ECHS1: variants seen among roughly 807,000 people sequenced by gnomAD.
ECHS1 encodes the protein enoyl-CoA hydratase, short chain 1.
ECHS1 carries 19 observed loss-of-function variants against 33.5 expected under a neutral mutation model. The ratio of observed to expected loss-of-function variants is 0.57; its 90% confidence interval spans 0.40 to 0.83. The LOEUF (loss-of-function observed/expected upper bound fraction) is 0.83, where lower values mean the gene tolerates loss of function less well. Among genes scored for constraint, ECHS1 ranks in the 40% least tolerant of loss-of-function variants. The pLI is 0.00. For missense variants in ECHS1, 365 were observed against 381.3 expected, an observed-to-expected ratio of 0.96 and a Z score of 0.36; for synonymous variants, 158 against 146.6, an observed-to-expected ratio of 1.08 and a Z score of -0.56.
chr10:133,365,779 C>G (rs979402486), intron 6 of ECHS1, among the ~76,000 whole-genome samples, 197 bp downstream of exon 6: 3 of 152,232 alleles, frequency 2.0e-5, no homozygotes, highest in African/African-American at 7.2e-5. Context: ...CAAAGGGGAG[C>G]TGGGAACATC....
intron 1 of ECHS1, among the ~76,000 whole-genome samples, chr10:133,372,199 C>T (rs899774429): frequency 2.0e-5 from 3 of 152,176 alleles, no homozygotes; most frequent in Non-Finnish European, 4.4e-5. Flanking sequence ...GTGGAGAAGC[C>T]GAAGGCCAAG....
Position 133,366,075 on chromosome 10 carries a change from G to C in ECHS1, c.640C>G (p.Pro214Ala), listed in dbSNP as rs772867293. Residue 214 changes from proline (P) to alanine (A), a missense_variant, in exon 6 of 8, where the codon CCT becomes GCT. Physicochemically the swap from Pro to Ala is conservative, Grantham distance 27 (BLOSUM62 -1). Coordinates refer to ENST00000368547, the MANE Select transcript of ECHS1 (RefSeq NM_004092.4). ...KQAGLVSKIC[P>A]VETLVEEAIQ... is the part of the protein sequence containing the mutation. ...GCTTCTTCCACCAGTGTCTCAACAG[G>C]ACAAATCTTGCTGACAAGACCTGAA... is the stretch of plus-strand genomic sequence containing the variant. 6.2e-7 allele frequency: 1 copy of C among 1,613,688 alleles called. No individual in the cohort carries two copies.
chr10:133,372,653 G>A (rs975210458), intron 1 of ECHS1, among the ~76,000 whole-genome samples: 13 of 149,392 alleles, frequency 8.7e-5, no homozygotes, highest in African/African-American at 3.3e-4. Flanking sequence ...GTGGCCTGGT[G>A]AGAGTGGCCT....
chr10:133,362,863 G>A lies in ECHS1; in HGVS notation c.*5C>T. On this transcript the variant is annotated 3_prime_UTR_variant, in exon 8 of 8. Coordinates refer to ENST00000368547, the MANE Select transcript of ECHS1 (RefSeq NM_004092.4). ...GCAGAGGTGTGAAGCAGGGGCAGCT[G>A]GTTCTCACTGGTCTTTGAAGTTGGC... 6.2e-7 allele frequency: 1 copy of A among 1,614,114 alleles called. No individual in the cohort carries two copies. The highest frequency in any genetic ancestry group is 8.5e-7 in the Non-Finnish European group (1 of 1,179,986).
chr10:133,369,499 G>A (rs566128181), intron 3 of ECHS1, among the ~76,000 whole-genome samples: 3 of 100,090 alleles, frequency 3.0e-5, no homozygotes, highest in East Asian at 3.2e-4. Context: ...ATCACAATCC[G>A]CAGACCCCTG....
rs1172130816 is a variant in ECHS1, at chr10:133,370,695, G to T, written c.151C>A (p.Gln51Lys). ...RGKNNTVGLIQLNRPKALNAL... is the reference protein window; with the variant it reads ...RGKNNTVGLIKLNRPKALNAL... ...TTGAGGGCCTTGGGGCGGTTCAGTT[G>T]GATCAACCCCACGGTGTTATTCTTC... Residue 51 changes from glutamine to lysine, a missense_variant, in exon 2 of 8, where the codon CAA becomes AAA. Coordinates refer to ENST00000368547, the MANE Select transcript of ECHS1 (RefSeq NM_004092.4). The T allele has an allele frequency of 1.9e-6, 3 of 1,613,358 alleles. No homozygotes were observed. Among genetic ancestry groups the T allele is most frequent in the Non-Finnish European group, 2.5e-6 (3 of 1,179,782 alleles).
chr10:133,364,274 C>T (rs1253718326), intron 7 of ECHS1, among the ~76,000 whole-genome samples: 2 of 151,960 alleles, frequency 1.3e-5, no homozygotes, highest in Admixed American at 1.3e-4. Context: ...TTTTTTGAGA[C>T]GGGGTCTTGC....
At chr10:133,368,747 C>G (rs532031817) in intron 4 of ECHS1, among the ~76,000 whole-genome samples, 176 bp downstream of exon 4, 7 of 152,318 alleles carry the variant, frequency 4.6e-5, no homozygotes, top group African/African-American at 1.4e-4. Context: ...AAGGCCCCCC[C>G]CAAGCTCTGT....
At chr10:133,363,129 C>A (rs547802868) in intron 7 of ECHS1, among the ~76,000 whole-genome samples, 196 bp from the exon 8 acceptor site, 5 of 152,332 alleles carry the variant, frequency 3.3e-5, no homozygotes, top group Non-Finnish European at 7.3e-5. Context: ...CACGGCCTCT[C>A]TCTACCAGTC....
chr10:133,373,325 G>A lies in ECHS1; in HGVS notation c.9C>T (p.Ala3=), dbSNP rs370494262. The A allele has an allele frequency of 3.0e-4, 451 of 1,502,904 alleles. 4 individuals carry two copies. In the African/African-American group the frequency reaches 5.5e-3, roughly 18 times the overall value. 93.1% of individuals were successfully genotyped at this position (1,502,904 alleles called of 1,614,324 possible). ...GGACGCAGGACAGCAGGACACGCAGGGCGGCCATGGCTCTCTGGACTCCTC... is the reference window on the plus strand; with the variant it reads ...GGACGCAGGACAGCAGGACACGCAGAGCGGCCATGGCTCTCTGGACTCCTC... MA[A]LRVLLSCVRG... The change falls in exon 1 of 8, where the codon GCC becomes GCT. Residue 3 remains alanine, a synonymous_variant. Coordinates refer to ENST00000368547, the MANE Select transcript of ECHS1 (RefSeq NM_004092.4).
intron 4 of ECHS1, among the ~76,000 whole-genome samples, chr10:133,367,832 T>C (rs3975643): frequency 0.032 from 4,893 of 150,946 alleles, 252 homozygotes; most frequent in African/African-American, 0.11. Flanking sequence ...TAGAAGAAAA[T>C]GCTGACATAT....
At position 133,367,052 on chromosome 10, in the gene ECHS1, C is replaced by T. The variant is rs57958692; in HGVS notation, c.515-59G>A. 4,476 of 1,400,114 alleles carry T rather than the reference C, an allele frequency of 3.2e-3. 6 individuals carry two copies. The highest frequency in any genetic ancestry group is 0.01 in the Middle Eastern group (51 of 4,888). The allele number at this position is 1,400,114 out of a possible 1,614,324, so 86.7% of individuals were successfully genotyped here. A position where few individuals can be genotyped will look rare whatever the true frequency, so the allele number is the denominator to read the frequency against. On this transcript the variant is annotated intron_variant, in intron 4 of 7. Transcript: ENST00000368547. ...GATGAGTGAACCCAAGAAGACATCA[C>T]AGCTGTGCAGCCAGCAAATTCCAAG...
Position 133,366,966 on chromosome 10 carries a change from C to G in ECHS1, c.542G>C (p.Arg181Pro). 1 of 1,612,560 alleles carries G rather than the reference C, an allele frequency of 6.2e-7. No homozygotes were observed. Among genetic ancestry groups the G allele is most frequent in the Non-Finnish European group, 8.5e-7 (1 of 1,179,966 alleles). The change falls in exon 5 of 8, where the codon CGT (arginine) becomes CCT (proline). Residue 181 changes from arginine to proline, a missense_variant. Coordinates refer to ENST00000368547, the MANE Select transcript of ECHS1 (RefSeq NM_004092.4). ...PGAGGTQRLT[R>P]AVGKSLAMEM... ...CATCGCCAGCGACTTCCCAACAGCA[C>G]GGGTGAGTCTCTGGGTGCCGCCCGC...
intron 6 of ECHS1, 143 bp from the exon 7 acceptor site, chr10:133,364,868 G>A (rs750042700): frequency 2.0e-5 from 13 of 652,140 alleles, no homozygotes; most frequent in South Asian, 3.7e-5. Flanking sequence ...CCATGGTGCC[G>A]CCCTTCTCAA....
chr10:133,364,553 T>C lies in ECHS1; in HGVS notation c.807+105A>G. 6 of 914,398 alleles carry C rather than the reference T, an allele frequency of 6.6e-6. No homozygotes were observed. In the South Asian group the frequency reaches 7.4e-5, roughly 11 times the overall value. The allele number at this position is 914,398 out of a possible 1,614,324, so 56.6% of individuals were successfully genotyped here. On this transcript the variant is annotated intron_variant, in intron 7 of 7. Transcript: ENST00000368547. ...CCGTTAAAGGTGAGGCTGGCAGTTC[T>C]GACCAGAAAGAAACGATACTTAATG...
At chr10:133,363,648 G>C (rs191414831) in intron 7 of ECHS1, among the ~76,000 whole-genome samples, 1 of 152,226 alleles carries the variant, frequency 6.6e-6, no homozygotes, top group Non-Finnish European at 1.5e-5. Context: ...GCCAGGTGTG[G>C]TGGTGGGCAC....
intron 5 of ECHS1, among the ~76,000 whole-genome samples, 187 bp from the exon 6 acceptor site, chr10:133,366,282 G>A (rs978242404): frequency 5.3e-5 from 8 of 152,246 alleles, no homozygotes; most frequent in Admixed American, 4.6e-4. Context: ...TCGGCACTGC[G>A]GTCACTGTGC....
Position 133,362,953 on chromosome 10 carries a change from A to G in ECHS1, c.808-20T>C, listed in dbSNP as rs2133437327. The G allele has an allele frequency of 6.2e-7, 1 of 1,613,970 alleles. No individual in the cohort carries two copies. On this transcript the variant is annotated intron_variant, in intron 7 of 7. Coordinates refer to ENST00000368547, the MANE Select transcript of ECHS1 (RefSeq NM_004092.4). Reference sequence around the variant, plus strand: ...GTCATCCTGGCAGGAAAAGGAACAGAAACAGAGCTGGACGCGCAGTATCCT... The same window carrying G: ...GTCATCCTGGCAGGAAAAGGAACAGGAACAGAGCTGGACGCGCAGTATCCT...
At chr10:133,366,147 C>A in intron 5 of ECHS1, 52 bp from the exon 6 acceptor site, 1 of 1,593,602 alleles carries the variant, frequency 6.3e-7, no homozygotes, top group East Asian at 2.2e-5. Context: ...ACTTGTCTAT[C>A]CCTTCTCGAG....
Sources: allele counts gnomAD v4.1 joint callset (sites outside exome capture counted in the v4.1 genomes callset), GRCh38; gene constraint gnomAD v4.1.1; transcripts MANE v1.5; gene names NCBI Gene and HGNC (gene_info 2026-07-23, HGNC 2026-07-21).